Variants in TEP1 observed in about 807,000 individuals in gnomAD.
TEP1 encodes telomerase associated protein 1, also known as telomerase protein component 1.
In TEP1, 241 loss-of-function variants were observed where a neutral mutation model predicts 306.3. The ratio of observed to expected loss-of-function variants is 0.79; its 90% confidence interval spans 0.71 to 0.88. The LOEUF (loss-of-function observed/expected upper bound fraction) is 0.88, where lower values mean the gene tolerates loss of function less well. Ranked by LOEUF, TEP1 falls within the 40% of genes least tolerant of loss-of-function variation. The pLI, the probability that TEP1 is intolerant of heterozygous loss-of-function variation, is 0.00. For missense variants in TEP1, 3,051 were observed against 3,276.1 expected, an observed-to-expected ratio of 0.93 and a Z score of 1.68; for synonymous variants, 1,289 against 1,305.5, an observed-to-expected ratio of 0.99 and a Z score of 0.27.
At chr14:20,396,983 G>T (rs1245043136) in intron 9 of TEP1, among the ~76,000 whole-genome samples, 1 of 151,982 alleles carries the variant, frequency 6.6e-6, no homozygotes, top group African/African-American at 2.4e-5. Flanking sequence ...GTCCAAGATA[G>T]AGGAAGTGAG....
chr14:20,372,719 T>TC lies in TEP1; in HGVS notation c.7076+13dup, dbSNP rs1265130798. ...CTGCTGTTTCTATCCCATTAACCCA[T>TC]CAGCCTGTTTCACCTCAAATTTCCG... On this transcript the variant is annotated intron_variant, in intron 49 of 54. Coordinates refer to ENST00000262715, the MANE Select transcript of TEP1 (RefSeq NM_007110.5). 6.2e-7 allele frequency: 1 copy of TC among 1,613,958 alleles called. No homozygotes were observed. Among genetic ancestry groups the TC allele is most frequent in the Non-Finnish European group, 8.5e-7 (1 of 1,180,018 alleles).
At chr14:20,386,988 A>G (rs1022989156) in intron 18 of TEP1, among the ~76,000 whole-genome samples, 3 of 151,594 alleles carry the variant, frequency 2.0e-5, no homozygotes, top group Admixed American at 6.6e-5. Context: ...AGGCTAGAGT[A>G]AAATGGCGCG....
At chr14:20,400,137 CA>C (rs58121179) in intron 9 of TEP1, among the ~76,000 whole-genome samples, 24,441 of 77,156 alleles carry the variant, frequency 0.32, 1,738 homozygotes, top group Non-Finnish European at 0.4. Context: ...AACTCCGTCT[CA>C]AAAAAAAAAA....
intron 3 of TEP1, 147 bp from the exon 4 acceptor site, chr14:20,405,732 G>T: frequency 1.0e-6 from 1 of 960,748 alleles, no homozygotes; most frequent in African/African-American, 1.6e-5. Context: ...AGGGGATTAG[G>T]GCCAGGCATG....
In TEP1 at chr14:20,408,338, T is replaced by C; in HGVS notation, c.102A>G (p.Leu34=). The C allele has an allele frequency of 6.2e-7, 1 of 1,612,536 alleles. No homozygotes were observed. Among genetic ancestry groups the C allele is most frequent in the Non-Finnish European group, 8.5e-7 (1 of 1,179,804 alleles). The part of the protein sequence containing the change: ...MLPDLQPLEK[L]HQHVSTHSDI... ...CTGAGTGGGTAGATACATGCTGATG[T>C]AGTTTCTCCAAGGGCTGTAAGTCAG... The change falls in exon 2 of 55, where the codon CTA becomes CTG. Residue 34 remains leucine, a synonymous_variant. Transcript: ENST00000262715.
Position 20,386,568 on chromosome 14 carries a change from G to T in TEP1, c.2740C>A (p.Arg914=), listed in dbSNP as rs548257852. Reference sequence around the variant, plus strand: ...AGCACAGACCTCAGCAGCAGGTCCCGCTCCCCATGCATGTCTCGGAAAGTG... The same window carrying T: ...AGCACAGACCTCAGCAGCAGGTCCCTCTCCCCATGCATGTCTCGGAAAGTG... ...SSTFRDMHGE[R]DLLLRSVLPA... is the part of the protein sequence containing the mutation. The change falls in exon 19 of 55, where the codon CGG becomes AGG. Residue 914 remains arginine (R), a synonymous_variant. Coordinates refer to ENST00000262715, the MANE Select transcript of TEP1 (RefSeq NM_007110.5). 3 of 1,611,356 alleles carry T rather than the reference G, an allele frequency of 1.9e-6. No individual in the cohort carries two copies. Among genetic ancestry groups the T allele is most frequent in the East Asian group, 4.5e-5 (2 of 44,778 alleles).
At position 20,406,154 on chromosome 14, in the gene TEP1, G is replaced by A. The variant is rs913021041; in HGVS notation, c.735+79C>T. The A allele has an allele frequency of 4.1e-6, 6 of 1,459,700 alleles. No individual in the cohort carries two copies. The Admixed American group carries it at 7.2e-5, about 18-fold the overall frequency. The allele number at this position is 1,459,700 out of a possible 1,614,324, so 90.4% of individuals were successfully genotyped here. On this transcript the variant is annotated intron_variant, in intron 3 of 54. Coordinates refer to ENST00000262715, the MANE Select transcript of TEP1 (RefSeq NM_007110.5). ...CCTACCTTCCCCTTCCAACTGGGGA[G>A]GGGACCTGGTTCAAGTACTCCACCA...
At chr14:20,382,885 G>A (rs889252883) in intron 27 of TEP1, among the ~76,000 whole-genome samples, 170 bp from the exon 28 acceptor site, 2 of 152,068 alleles carry the variant, frequency 1.3e-5, no homozygotes, top group African/African-American at 4.8e-5. Flanking sequence ...ACGCTGCTCT[G>A]CCCAGCCAGC....
chr14:20,409,953 C>T (rs542162794), intron 1 of TEP1, among the ~76,000 whole-genome samples: 17 of 132,214 alleles, frequency 1.3e-4, no homozygotes, highest in East Asian at 2.4e-4. Flanking sequence ...ACCAGGGAGG[C>T]GGAGCTTGCA....
At chr14:20,373,201 GA>G in intron 47 of TEP1, 54 bp from the exon 48 acceptor site, 1 of 1,613,066 alleles carries the variant, frequency 6.2e-7, no homozygotes, top group Non-Finnish European at 8.5e-7. Flanking sequence ...TGGGATAAGA[GA>G]TATCAGGCCA....
At chr14:20,379,244 A>G in intron 35 of TEP1, 139 bp from the exon 36 acceptor site, 2 of 1,158,780 alleles carry the variant, frequency 1.7e-6, no homozygotes, top group East Asian at 2.5e-5. Flanking sequence ...AGTCAAGCAC[A>G]CGTTCAAGTG....
chr14:20,379,045 C>T lies in TEP1; in HGVS notation c.5188G>A (p.Asp1730Asn). Residue 1730 changes from aspartate to asparagine, a missense_variant, in exon 36 of 55, where the codon GAT (aspartate) becomes AAT (asparagine). Physicochemically the swap from Asp to Asn is conservative, Grantham distance 23. Around this residue, in one of 3 missense-constraint regions of TEP1, gnomAD observed 1,540 missense variants for 1,705.9 expected, o/e 0.90. Coordinates refer to ENST00000262715, the MANE Select transcript of TEP1 (RefSeq NM_007110.5). Reference protein sequence around the residue: ...GISACLFLSDDTLFLTAFDGL... With the variant: ...GISACLFLSDNTLFLTAFDGL... Reference sequence around the variant, plus strand: ...TCGAAGGCAGTAAGAAAGAGTGTATCATCGGAGAGGAACAAACAAGCAGAG... The same window carrying T: ...TCGAAGGCAGTAAGAAAGAGTGTATTATCGGAGAGGAACAAACAAGCAGAG... 1 of 1,614,144 alleles carries T rather than the reference C, an allele frequency of 6.2e-7. No individual in the cohort carries two copies. The highest frequency in any genetic ancestry group is 8.5e-7 in the Non-Finnish European group (1 of 1,180,020).
rs958258355 is a variant in TEP1 at position 20,411,788 on chromosome 14, C to T, written c.-25+1617G>A. On this transcript the variant is annotated intron_variant, in intron 1 of 54. Coordinates refer to ENST00000262715, the MANE Select transcript of TEP1 (RefSeq NM_007110.5). ...ATAAACTGAAAATTAGAAACCTCTGCCTAACAGAATGCTTGAATTATACCA... is the reference window on the plus strand; with the variant it reads ...ATAAACTGAAAATTAGAAACCTCTGTCTAACAGAATGCTTGAATTATACCA... Among the ~76,000 whole-genome samples, 4 of 151,982 alleles carry T rather than the reference C, an allele frequency of 2.6e-5. No individual in the cohort carries two copies. In the South Asian group the frequency reaches 8.3e-4, roughly 31 times the overall value.
rs774935136 is a variant in TEP1, at chr14:20,373,280, A to G, written c.6804T>C (p.Pro2268=). Residue 2268 remains proline (P), a synonymous_variant, in exon 47 of 55, where the codon CCT becomes CCC. Coordinates refer to ENST00000262715, the MANE Select transcript of TEP1 (RefSeq NM_007110.5). The stretch of plus-strand genomic sequence containing the variant: ...CCAAGCCTCACTCACCTGCTTCCTT[A>G]GGAACCTGCCAGAGCCGTACAGAAC... ...EDGSVRLWQV[P]KEADDTCIPR... The G allele has an allele frequency of 1.2e-5, 20 of 1,613,950 alleles. No homozygotes were observed. In the African/African-American group the frequency reaches 2.0e-4, roughly 16 times the overall value.
At chr14:20,377,566 A>C in intron 40 of TEP1, 34 bp downstream of exon 40, 1 of 1,613,878 alleles carries the variant, frequency 6.2e-7, no homozygotes, top group Non-Finnish European at 8.5e-7. Flanking sequence ...CTCTTTCTAA[A>C]GGCTCAAAAA....
Position 20,382,071 on chromosome 14 carries a change from CT to C in TEP1, c.4274-9del. 2 of 1,613,970 alleles carry C rather than the reference CT, an allele frequency of 1.2e-6. No individual in the cohort carries two copies. Among genetic ancestry groups the C allele is most frequent in the Non-Finnish European group, 1.7e-6 (2 of 1,179,906 alleles). The stretch of plus-strand genomic sequence containing the variant: ...GCTGGTCCACAGTCAAACCTGAAAA[CT>C]CAAGCTCTCTGAGGCCCTCATCTAA... On this transcript the variant is annotated splice_polypyrimidine_tract_variant and intron_variant, in intron 29 of 54. Transcript: ENST00000262715.
rs1877659482 is a variant in TEP1, at chr14:20,391,008, A to T, written c.2186T>A (p.Leu729Gln). The T allele has an allele frequency of 6.2e-7, 1 of 1,614,044 alleles. No individual in the cohort carries two copies. The highest frequency in any genetic ancestry group is 8.5e-7 in the Non-Finnish European group (1 of 1,180,056). Reference sequence around the variant, plus strand: ...TTCTGCCTTAAGCACTGCAGTCTTCAGAGTGTCACCTCCACACAGCACGAC... The same window carrying T: ...TTCTGCCTTAAGCACTGCAGTCTTCTGAGTGTCACCTCCACACAGCACGAC... Reference protein sequence around the residue: ...VDVVLCGGDTLKTAVLKAEEG... With the variant: ...VDVVLCGGDTQKTAVLKAEEG... The change falls in exon 14 of 55, where the codon CTG (leucine) becomes CAG (glutamine). Residue 729 changes from leucine to glutamine, a missense_variant. Coordinates refer to ENST00000262715, the MANE Select transcript of TEP1 (RefSeq NM_007110.5).
At chr14:20,411,137 T>C (rs1566489697) in intron 1 of TEP1, among the ~76,000 whole-genome samples, 1 of 152,146 alleles carries the variant, frequency 6.6e-6, no homozygotes, top group Non-Finnish European at 1.5e-5. Flanking sequence ...TTCTCTTTAC[T>C]GAAATACAAC....
intron 12 of TEP1, among the ~76,000 whole-genome samples, chr14:20,394,825 C>A (rs1037835086): frequency 3.3e-5 from 5 of 152,142 alleles, no homozygotes; most frequent in African/African-American, 1.2e-4. Flanking sequence ...CTCTGTTCAG[C>A]TACTGATTCA....
Sources: allele counts gnomAD v4.1 joint callset (sites outside exome capture counted in the v4.1 genomes callset), GRCh38; gene constraint gnomAD v4.1.1; regional missense constraint gnomAD v4.1.1; transcripts MANE v1.5; gene names NCBI Gene and HGNC (gene_info 2026-07-23, HGNC 2026-07-21).